Variants in SIK3 observed in about 807,000 individuals in gnomAD.
SIK3 encodes serine/threonine-protein kinase SIK3.
A neutral mutation model predicts 144.2 loss-of-function variants in SIK3; 28 were observed. The ratio of observed to expected loss-of-function variants is 0.19; its 90% CI spans 0.14 to 0.27. SIK3 has a LOEUF of 0.27. Ranked by LOEUF, SIK3 falls within the 10% of genes least tolerant of loss-of-function variation. The probability of loss-of-function intolerance (pLI) is 1.00; values close to 1 mark genes in which losing one functional copy is unlikely to be tolerated. For missense variants in SIK3, 1,319 were observed against 1,776.0 expected (o/e 0.74, Z 4.62); for synonymous variants, 686 against 676.3 (o/e 1.01, Z -0.22).
intron 1 of SIK3, among the ~76,000 whole-genome samples, chr11:116,999,959 G>A (rs1269208441): frequency 6.6e-6 from 1 of 152,100 alleles, no homozygotes; most frequent in African/African-American, 2.4e-5. Context: ...GCAACAGTGG[G>A]CATAATTTGT....
chr11:117,098,323 C>T lies in SIK3; in HGVS notation c.93G>A (p.Ala31=). 1 of 1,157,858 alleles carries T rather than the reference C, an allele frequency of 8.6e-7. No homozygotes were observed. Among genetic ancestry groups the T allele is most frequent in the Non-Finnish European group, 1.1e-6 (1 of 943,720 alleles). The allele number at this position is 1,157,858 out of a possible 1,614,324, so 71.7% of individuals were successfully genotyped here. The change falls in exon 1 of 25, where the codon GCG becomes GCA. Residue 31 remains alanine (A), a synonymous_variant. Coordinates refer to ENST00000445177, the MANE Select transcript of SIK3 (RefSeq NM_001366686.3). ...GPAGRLLPPP[A]PGSPAAPAAV... is the part of the protein sequence containing the mutation. ...CAGCGGGGGCGGCTGGGGACCCCGG[C>T]GCGGGCGGAGGCAGCAGGCGGCCCG...
chr11:116,844,649 A>AATATATATATAATATATATTATAT lies in SIK3; in HGVS notation c.*993_*994insATATAATATATATTATATATATAT. 9.5e-6 allele frequency: 1 copy of AATATATATATAATATATATTATAT among 104,738 alleles called. No homozygotes were observed. The highest frequency in any genetic ancestry group is 1.8e-5 in the Non-Finnish European group (1 of 55,914). 6.5% of individuals were successfully genotyped at this position (104,738 alleles called of 1,614,324 possible). ...TATATAATATATTATATTATATATT[A>AATATATATATAATATATATTATAT]TATATATAATATATATATACACATA... On this transcript the variant is annotated 3_prime_UTR_variant, in exon 25 of 25. Transcript: ENST00000445177.
chr11:117,011,785 G>A (rs1037403403), intron 1 of SIK3, among the ~76,000 whole-genome samples: 1 of 152,116 alleles, frequency 6.6e-6, no homozygotes, highest in Non-Finnish European at 1.5e-5. Flanking sequence ...TTCAAGACCA[G>A]CCTGGACAAC....
chr11:117,095,849 C>T (rs1405722177), intron 1 of SIK3, among the ~76,000 whole-genome samples: 1 of 152,206 alleles, frequency 6.6e-6, no homozygotes. Flanking sequence ...GCTGGTGTGG[C>T]TCCTTCACAC....
At chr11:116,847,128 A>T (rs1012935441) in intron 23 of SIK3, among the ~76,000 whole-genome samples, 1 of 152,188 alleles carries the variant, frequency 6.6e-6, no homozygotes, top group African/African-American at 2.4e-5. Flanking sequence ...TACGCCTATT[A>T]TTTGTTATGA....
At chr11:116,887,382 C>T (rs1220095539) in intron 6 of SIK3, among the ~76,000 whole-genome samples, 1 of 151,204 alleles carries the variant, frequency 6.6e-6, no homozygotes, top group East Asian at 1.9e-4. Context: ...TTTGGGAAGC[C>T]GAGGCGGGCA....
intron 13 of SIK3, 84 bp downstream of exon 13, chr11:116,873,397 G>A: frequency 6.4e-7 from 1 of 1,572,400 alleles, no homozygotes; most frequent in East Asian, 2.2e-5. Context: ...CATGTAGGTT[G>A]GCCCTGGGTT....
At chr11:117,060,371 C>T (rs111426457) in intron 1 of SIK3, among the ~76,000 whole-genome samples, 4 of 151,860 alleles carry the variant, frequency 2.6e-5, no homozygotes, top group African/African-American at 9.7e-5. Context: ...CCGAGGCAGG[C>T]GGATCACCTG....
At chr11:117,040,945 CTCCTTTTT>C (rs1565585699) in intron 1 of SIK3, among the ~76,000 whole-genome samples, 1 of 124,114 alleles carries the variant, frequency 8.1e-6, no homozygotes, top group Non-Finnish European at 1.7e-5. Flanking sequence ...AGTTACCTGC[CTCCTTTTT>C]TTTTTTTTTT....
Position 116,844,421 on chromosome 11 carries a change from CAAT to C in SIK3, c.*1219_*1221del, listed in dbSNP as rs944698717. 17 of 150,742 alleles carry C rather than the reference CAAT, an allele frequency of 1.1e-4. No homozygotes were observed. Among genetic ancestry groups the C allele is most frequent in the African/African-American group, 4.1e-4 (17 of 41,020 alleles). The allele number at this position is 150,742 out of a possible 1,614,324, so 9.3% of individuals were successfully genotyped here. On this transcript the variant is annotated 3_prime_UTR_variant, in exon 25 of 25. Coordinates refer to ENST00000445177, the MANE Select transcript of SIK3 (RefSeq NM_001366686.3). ...CTTTATTTATTAATAATGATAATAA[CAAT>C]AATATCAACATTTACCAAAAACAAT...
At chr11:116,856,577 TC>T (rs1288915791) in intron 21 of SIK3, among the ~76,000 whole-genome samples, 2 of 152,186 alleles carry the variant, frequency 1.3e-5, no homozygotes, top group Admixed American at 1.3e-4. Context: ...GCTCCCACCC[TC>T]CTATGTCTAC....
chr11:116,907,326 C>G (rs747516521), intron 4 of SIK3, among the ~76,000 whole-genome samples: 1 of 152,184 alleles, frequency 6.6e-6, no homozygotes, highest in Admixed American at 6.6e-5. Flanking sequence ...TTTAAGTTCA[C>G]GTACATCCCA....
chr11:116,942,100 T>C (rs1310825007), intron 3 of SIK3, among the ~76,000 whole-genome samples: 1 of 152,212 alleles, frequency 6.6e-6, no homozygotes, highest in Non-Finnish European at 1.5e-5. Context: ...TCTTTCTCTA[T>C]ACAGTTACCC....
At chr11:116,947,306 C>T (rs1179025193) in intron 3 of SIK3, among the ~76,000 whole-genome samples, 1 of 140,398 alleles carries the variant, frequency 7.1e-6, no homozygotes, top group Non-Finnish European at 1.5e-5. Context: ...AACATGTCAA[C>T]ATGTTCTAGC....
rs1472032132 is a variant in SIK3 at position 116,858,466 on chromosome 11, A to C, written c.2999T>G (p.Leu1000Arg). The C allele has an allele frequency of 6.2e-7, 1 of 1,605,426 alleles. No homozygotes were observed. Among genetic ancestry groups the C allele is most frequent in the East Asian group, 2.2e-5 (1 of 44,734 alleles). Residue 1000 changes from leucine to arginine, a missense_variant, in exon 21 of 25, where the codon CTG (leucine) becomes CGG (arginine). Transcript: ENST00000445177. The surrounding 1 kb of genome is among the most constrained non-coding windows in gnomAD (Gnocchi z 5.4). ...YTTSALQQAL[L>R]SPTPPDYTRH... is the part of the protein sequence containing the mutation. ...TGTATAGTCTGGCGGCGTGGGAGAC[A>C]GCAGGGCCTGCTGTAGTGCCGACGT... is the stretch of plus-strand genomic sequence containing the variant.
intron 1 of SIK3, among the ~76,000 whole-genome samples, chr11:116,966,633 TA>T (rs1356373528): frequency 6.6e-6 from 1 of 152,132 alleles, no homozygotes; most frequent in Non-Finnish European, 1.5e-5. Flanking sequence ...GTTTTTGAAT[TA>T]GGGGTGTTCA....
At chr11:116,891,436 C>A (rs1346441009) in intron 6 of SIK3, among the ~76,000 whole-genome samples, 1 of 152,224 alleles carries the variant, frequency 6.6e-6, no homozygotes, top group African/African-American at 2.4e-5. Flanking sequence ...GACAAAATAG[C>A]AAGACCCCAT....
chr11:116,962,119 T>C, intron 1 of SIK3, among the ~76,000 whole-genome samples: 1 of 152,190 alleles, frequency 6.6e-6, no homozygotes, highest in Non-Finnish European at 1.5e-5. Flanking sequence ...GACACCATAT[T>C]TGTAAGCAAG....
chr11:117,054,699 T>A (rs776579030), intron 1 of SIK3, among the ~76,000 whole-genome samples: 1 of 152,028 alleles, frequency 6.6e-6, no homozygotes, highest in Non-Finnish European at 1.5e-5. Context: ...TTGGCAGAGG[T>A]GGGAGGATCA....
Sources: gnomAD v4.1 joint callset for allele counts (sites outside exome capture counted in the v4.1 genomes callset) on GRCh38, gnomAD v4.1.1 for gene constraint, Gnocchi (gnomAD v3.1) non-coding constraint, MANE v1.5 for transcripts, NCBI Gene and HGNC (gene_info 2026-07-23, HGNC 2026-07-21) for gene names.